Variants in SMIM27 observed in about 807,000 individuals in gnomAD.
The protein encoded by SMIM27 is TOPORS antisense RNA 1 (non-protein coding).
Under a neutral mutation model 1.8 loss-of-function variants are expected in SMIM27, and 3 were observed. The ratio of observed to expected loss-of-function variants is 1.65; its 90% CI spans 0.75 to 4.28. SMIM27 has a LOEUF of 4.28. SMIM27 is among the 30% of genes most tolerant of loss of function. SMIM27 has a pLI of 0.02. For missense variants in SMIM27, 63 were observed against 37.0 expected (o/e 1.70, Z -1.83); for synonymous variants, 19 against 13.9 (o/e 1.37, Z -0.82).
intron 1 of SMIM27, among the ~76,000 whole-genome samples, chr9:32,563,145 T>G (rs533510786): frequency 6.6e-6 from 1 of 152,184 alleles, no homozygotes; most frequent in East Asian, 1.9e-4. Context: ...TAATGCTGTG[T>G]TCTTATTGCA....
intron 1 of SMIM27, 98 bp downstream of exon 1, chr9:32,552,577 T>C: frequency 9.4e-7 from 1 of 1,067,082 alleles, no homozygotes; most frequent in Non-Finnish European, 1.4e-6. Flanking sequence ...CCAAAATCCA[T>C]TCCTGAATTA....
downstream of SMIM27, among the ~76,000 whole-genome samples, chr9:32,557,058 A>G (rs1821480328): frequency 6.7e-6 from 1 of 150,062 alleles, no homozygotes; most frequent in African/African-American, 2.5e-5. Context: ...GAGTTTCACC[A>G]TGTTGGCCAG....
intron 1 of SMIM27, among the ~76,000 whole-genome samples, chr9:32,561,734 G>C (rs1052983362): frequency 3.2e-4 from 49 of 152,104 alleles, no homozygotes; most frequent in African/African-American, 5.3e-4. Flanking sequence ...TGTGAACTTT[G>C]GTTTTATCCC....
chr9:32,566,668 G>A (rs148230845), exon 2 of SMIM27: 49 of 812,430 alleles, frequency 6.0e-5, no homozygotes, highest in Admixed American at 3.2e-4. Context: ...AGGTAACTCC[G>A]GATCCGGCTT....
intron 1 of SMIM27, among the ~76,000 whole-genome samples, chr9:32,558,117 A>ATTTTTTTTTTTTTTTT (rs74178816): frequency 7.4e-6 from 1 of 135,230 alleles, no homozygotes; most frequent in Non-Finnish European, 1.6e-5. Flanking sequence ...CATAGTATAC[A>ATTTTTTTTTTTTTTTT]TTTTTTTTTT....
intron 1 of SMIM27, among the ~76,000 whole-genome samples, chr9:32,563,401 G>C (rs908232530): frequency 6.6e-6 from 1 of 151,346 alleles, no homozygotes; most frequent in Non-Finnish European, 1.5e-5. Flanking sequence ...GAGTACAGTG[G>C]GCAGCACAAT....
intron 1 of SMIM27, among the ~76,000 whole-genome samples, chr9:32,558,117 A>ATTT (rs74178816): frequency 7.4e-6 from 1 of 135,230 alleles, no homozygotes; most frequent in African/African-American, 2.7e-5. Context: ...CATAGTATAC[A>ATTT]TTTTTTTTTT....
intron 1 of SMIM27, chr9:32,566,365 G>A (rs770588183): frequency 2.0e-5 from 23 of 1,175,624 alleles, no homozygotes; most frequent in Admixed American, 3.4e-5. Context: ...ATGATGGTGC[G>A]TTTTTGTTTC....
intron 1 of SMIM27, among the ~76,000 whole-genome samples, chr9:32,563,716 AT>A (rs1364186412): frequency 6.6e-6 from 1 of 152,142 alleles, no homozygotes; most frequent in African/African-American, 2.4e-5. Flanking sequence ...CATTCAGCAA[AT>A]TATTGCATCA....
chr9:32,551,916 G>C (rs529763600), upstream of SMIM27: 507 of 341,022 alleles, frequency 1.5e-3, 6 homozygotes, highest in South Asian at 0.011. Context: ...ATATAAAAGA[G>C]TGGGTGGTAT....
chr9:32,557,442 T>C (rs1821496563), downstream of SMIM27, among the ~76,000 whole-genome samples: 1 of 151,056 alleles, frequency 6.6e-6, no homozygotes, highest in Non-Finnish European at 1.5e-5. Context: ...GTGCTGTAAT[T>C]ACAGGCATGA....
At chr9:32,553,670 AGTAG>A, downstream of SMIM27, 4 of 514,722 alleles carry the variant, frequency 7.8e-6, no homozygotes, top group Non-Finnish European at 1.4e-5. Flanking sequence ...GACCAGAAAA[AGTAG>A]GTAGTCTCTC....
At chr9:32,558,055 C>T (rs757624251) in intron 1 of SMIM27, among the ~76,000 whole-genome samples, 2 of 152,156 alleles carry the variant, frequency 1.3e-5, no homozygotes, top group Non-Finnish European at 2.9e-5. Context: ...TACTGAGTCA[C>T]CTTTTAATGC....
At chr9:32,559,871 C>T (rs1414853829) in intron 1 of SMIM27, among the ~76,000 whole-genome samples, 2 of 152,088 alleles carry the variant, frequency 1.3e-5, no homozygotes, top group Non-Finnish European at 2.9e-5. Flanking sequence ...ACTGCTGTAT[C>T]CTGGTCTTTA....
chr9:32,558,375 T>G (rs974030894), intron 1 of SMIM27, among the ~76,000 whole-genome samples: 12 of 152,198 alleles, frequency 7.9e-5, no homozygotes, highest in Non-Finnish European at 1.6e-4. Context: ...CCTCCCAAAG[T>G]GCTGGGATTA....
At chr9:32,559,019 G>T in intron 1 of SMIM27, 1 of 1,148,000 alleles carries the variant, frequency 8.7e-7, no homozygotes, top group Non-Finnish European at 1.3e-6. Flanking sequence ...ATAAGAAATA[G>T]GTCATACCCC....
chr9:32,553,936 T>C (rs1246565516), downstream of SMIM27: 2 of 1,589,912 alleles, frequency 1.3e-6, no homozygotes, highest in Non-Finnish European at 1.7e-6. Flanking sequence ...TCTCCAGAAT[T>C]GTATCACCCT....
At chr9:32,552,671 C>G (rs1203167784) in intron 1 of SMIM27, 130 bp from the exon 2 acceptor site, 15 of 656,234 alleles carry the variant, frequency 2.3e-5, no homozygotes, top group Non-Finnish European at 4.1e-5. Flanking sequence ...CTGGGTGTAC[C>G]CGCCACTGGA....
At chr9:32,558,333 G>A (rs1053635566) in intron 1 of SMIM27, among the ~76,000 whole-genome samples, 5 of 152,118 alleles carry the variant, frequency 3.3e-5, no homozygotes, top group African/African-American at 4.8e-5. Context: ...GAATGGTCTC[G>A]ATCTCCTGAC....
Sources: allele counts gnomAD v4.1 joint callset (sites outside exome capture counted in the v4.1 genomes callset), GRCh38; gene constraint gnomAD v4.1.1; transcripts MANE v1.5; gene names NCBI Gene and HGNC (gene_info 2026-07-23, HGNC 2026-07-21).